The following LRP1B variants were observed in gnomAD, a reference collection of about 807,000 sequenced individuals.
LRP1B encodes LDL receptor related protein 1B.
LRP1B carries 217 observed loss-of-function variants against 556.6 expected under a neutral mutation model. The observed-to-expected ratio is 0.39, with a 90% confidence interval of 0.35 to 0.44. The LOEUF (loss-of-function observed/expected upper bound fraction) is 0.44. LRP1B is among the 20% of genes least tolerant of loss of function. LRP1B has a pLI of 1.00. For synonymous variants in LRP1B, 2,047 were observed against 1,865.8 expected (o/e 1.10, Z -2.50); for missense variants, 5,053 against 5,620.8 (o/e 0.90, Z 3.23).
intron 35 of LRP1B, among the ~76,000 whole-genome samples, chr2:140,751,256 G>A (rs1181810592): frequency 6.6e-6 from 1 of 152,110 alleles, no homozygotes; most frequent in Non-Finnish European, 1.5e-5. Flanking sequence ...GCCTCCCAAA[G>A]AGCTGGGATT....
intron 66 of LRP1B, among the ~76,000 whole-genome samples, chr2:140,435,700 A>G (rs1486862096): frequency 6.6e-6 from 1 of 152,054 alleles, no homozygotes. Context: ...ACATCAACGA[A>G]TAATTGCATA....
chr2:141,047,894 A>C (rs977290129), intron 11 of LRP1B, among the ~76,000 whole-genome samples: 21 of 152,062 alleles, frequency 1.4e-4, no homozygotes, highest in African/African-American at 4.8e-4. Flanking sequence ...TCTCCTGCCG[A>C]AGGAGTTATC....
chr2:141,129,960 A>G (rs1213479245), intron 7 of LRP1B, among the ~76,000 whole-genome samples: 1 of 152,078 alleles, frequency 6.6e-6, no homozygotes, highest in Non-Finnish European at 1.5e-5. Context: ...CATGGACTAG[A>G]CGTAATAATT....
chr2:141,440,010 G>T (rs1232164150), intron 3 of LRP1B, among the ~76,000 whole-genome samples: 1 of 152,136 alleles, frequency 6.6e-6, no homozygotes, highest in East Asian at 1.9e-4. Context: ...ACTCATGCTA[G>T]GCACGCACTA....
intron 2 of LRP1B, among the ~76,000 whole-genome samples, chr2:141,662,736 C>T (rs915354935): frequency 2.0e-5 from 3 of 151,872 alleles, no homozygotes; most frequent in African/African-American, 7.3e-5. Flanking sequence ...TAGTGAGAGA[C>T]TTTAACACCC....
At chr2:140,722,261 T>C (rs1466687557) in intron 35 of LRP1B, among the ~76,000 whole-genome samples, 1 of 152,226 alleles carries the variant, frequency 6.6e-6, no homozygotes, top group East Asian at 1.9e-4. Context: ...ATGTTCAATT[T>C]CTGTCTGTTA....
chr2:141,690,409 A>ATATATG (rs1691478301), intron 2 of LRP1B, among the ~76,000 whole-genome samples: 1 of 78,238 alleles, frequency 1.3e-5, no homozygotes, highest in Admixed American at 1.1e-4. Context: ...ATATATATAT[A>ATATATG]TATATATATA....
In LRP1B at chr2:140,378,292, G is replaced by A. The variant is rs752130809; in HGVS notation, c.10532-6C>T. ...CAATGTACATGTCTGTGGCTCTGGGGATAAAAAAACAGCACAGGGTTATTC... is the reference window on the plus strand; with the variant it reads ...CAATGTACATGTCTGTGGCTCTGGGAATAAAAAAACAGCACAGGGTTATTC... On this transcript the variant is annotated splice_polypyrimidine_tract_variant and splice_region_variant and intron_variant, in intron 67 of 90. Coordinates refer to ENST00000389484, the MANE Select transcript of LRP1B (RefSeq NM_018557.3). 6.5e-7 allele frequency: 1 copy of A among 1,540,832 alleles called. No homozygotes were observed. Among genetic ancestry groups the A allele is most frequent in the East Asian group, 2.3e-5 (1 of 44,424 alleles).
At chr2:141,494,349 G>A (rs181678963) in intron 2 of LRP1B, among the ~76,000 whole-genome samples, 69 of 152,190 alleles carry the variant, frequency 4.5e-4, no homozygotes, top group African/African-American at 1.6e-3. Flanking sequence ...TAGGAAGGAT[G>A]GATACCACCT....
intron 18 of LRP1B, among the ~76,000 whole-genome samples, chr2:140,975,093 A>T (rs77837302): frequency 0.04 from 6,161 of 152,328 alleles, 161 homozygotes; most frequent in Middle Eastern, 0.071. Flanking sequence ...AAAGACAGCA[A>T]ACCTTCTCTT....
chr2:141,882,740 C>T (rs1266881180), intron 1 of LRP1B, among the ~76,000 whole-genome samples: 2 of 152,140 alleles, frequency 1.3e-5, no homozygotes, highest in Non-Finnish European at 2.9e-5. Flanking sequence ...TTAGGTCTTG[C>T]TCTGTCACCC....
At chr2:140,269,385 C>G (rs148702242) in intron 86 of LRP1B, 2 of 469,844 alleles carry the variant, frequency 4.3e-6, no homozygotes, top group Non-Finnish European at 8.8e-6. Context: ...AGAGCATCTG[C>G]AGAATTTCAG....
chr2:141,684,067 C>A (rs995435732), intron 2 of LRP1B, among the ~76,000 whole-genome samples: 4 of 151,756 alleles, frequency 2.6e-5, no homozygotes, highest in African/African-American at 9.7e-5. Flanking sequence ...GATCTAGTAC[C>A]GGAAATACCA....
At chr2:141,845,883 A>G (rs1697628562) in intron 1 of LRP1B, among the ~76,000 whole-genome samples, 1 of 151,932 alleles carries the variant, frequency 6.6e-6, no homozygotes, top group Admixed American at 6.6e-5. Context: ...AAGGATATAA[A>G]ATATCATGAC....
chr2:141,751,139 G>A (rs927446575), intron 2 of LRP1B, among the ~76,000 whole-genome samples: 3 of 151,846 alleles, frequency 2.0e-5, no homozygotes, highest in Admixed American at 6.6e-5. Context: ...AGATATACTG[G>A]AGGAAAAAGT....
chr2:141,435,799 GA>G (rs35261245), intron 3 of LRP1B, among the ~76,000 whole-genome samples: 30 of 152,186 alleles, frequency 2.0e-4, no homozygotes, highest in Non-Finnish European at 3.5e-4. Context: ...TCTGTACTAT[GA>G]GTGTGGGTGA....
intron 32 of LRP1B, among the ~76,000 whole-genome samples, chr2:140,793,690 T>C (rs1164494044): frequency 6.6e-6 from 1 of 152,002 alleles, no homozygotes; most frequent in African/African-American, 2.4e-5. Context: ...AATAAAAACA[T>C]GTAAAACCTC....
At chr2:141,097,406 C>T (rs777980624) in intron 7 of LRP1B, among the ~76,000 whole-genome samples, 4 of 151,646 alleles carry the variant, frequency 2.6e-5, no homozygotes, top group Non-Finnish European at 4.4e-5. Context: ...TATCTGTGAA[C>T]GGATGCCACT....
chr2:141,145,612 C>A (rs1214306137), intron 7 of LRP1B, among the ~76,000 whole-genome samples: 1 of 151,408 alleles, frequency 6.6e-6, no homozygotes, highest in African/African-American at 2.4e-5. Context: ...CAGCTCACTG[C>A]AACCTCTGCC....
Sources: allele counts gnomAD v4.1 joint callset (sites outside exome capture counted in the v4.1 genomes callset), GRCh38; gene constraint gnomAD v4.1.1; transcripts MANE v1.5; gene names NCBI Gene and HGNC (gene_info 2026-07-23, HGNC 2026-07-21).